PDZD2: variants seen among roughly 807,000 people sequenced by gnomAD.
The protein encoded by PDZD2 is PDZ domain-containing protein 2.
Under a neutral mutation model 220.7 loss-of-function variants are expected in PDZD2, and 90 were observed. The observed-to-expected ratio is 0.41, with a 90% CI of 0.34 to 0.49. PDZD2 has a LOEUF of 0.49. Among genes scored for constraint, PDZD2 ranks in the 20% least tolerant of loss-of-function variants. PDZD2 has a pLI of 0.28. For synonymous variants in PDZD2, 1,375 were observed against 1,450.5 expected (o/e 0.95, Z 1.18); for missense variants, 3,174 against 3,608.5 (o/e 0.88, Z 3.08).
At chr5:31,983,102 C>A in intron 2 of PDZD2, 53 bp from the exon 3 acceptor site, 1 of 1,552,532 alleles carries the variant, frequency 6.4e-7, no homozygotes, top group Non-Finnish European at 8.7e-7. Context: ...GTCTGCTGTG[C>A]TGTCTAGGAA....
intron 19 of PDZD2, among the ~76,000 whole-genome samples, chr5:32,084,139 C>T (rs1005267384): frequency 9.9e-5 from 15 of 152,250 alleles, no homozygotes; most frequent in African/African-American, 3.4e-4. Flanking sequence ...GAGAAGAGCA[C>T]GTGGCTTTGA....
chr5:31,737,495 A>G (rs894922196), intron 1 of PDZD2, among the ~76,000 whole-genome samples: 1 of 152,068 alleles, frequency 6.6e-6, no homozygotes, highest in African/African-American at 2.4e-5. Context: ...TCTTATAGGG[A>G]AAGGATCTGA....
At chr5:31,997,969 A>G (rs1018679311) in intron 4 of PDZD2, among the ~76,000 whole-genome samples, 10 of 152,114 alleles carry the variant, frequency 6.6e-5, no homozygotes, top group Admixed American at 4.6e-4. Context: ...CCACCTCCCA[A>G]GTAGCTGGGA....
At chr5:32,032,710 A>T (rs1002678781) in intron 6 of PDZD2, among the ~76,000 whole-genome samples, 2 of 152,298 alleles carry the variant, frequency 1.3e-5, no homozygotes, top group Non-Finnish European at 1.5e-5. Context: ...ATCAGGAGAA[A>T]TCTGCCACCT....
At chr5:31,648,840 A>G (rs1277116309) in intron 1 of PDZD2, among the ~76,000 whole-genome samples, 1 of 152,076 alleles carries the variant, frequency 6.6e-6, no homozygotes, top group East Asian at 1.9e-4. Context: ...GTGTTGGAAC[A>G]TCGTTATCCC....
chr5:31,728,849 T>G (rs1749335149), intron 1 of PDZD2, among the ~76,000 whole-genome samples: 1 of 152,050 alleles, frequency 6.6e-6, no homozygotes, highest in Non-Finnish European at 1.5e-5. Context: ...ATCTTGTTTA[T>G]TTTATTTTAT....
chr5:31,660,383 C>T (rs1444380484), intron 1 of PDZD2, among the ~76,000 whole-genome samples: 4 of 151,714 alleles, frequency 2.6e-5, no homozygotes, highest in African/African-American at 9.7e-5. Context: ...CTGTGTTAGT[C>T]CATTCTCACA....
At chr5:31,848,921 C>T (rs958846314) in intron 2 of PDZD2, among the ~76,000 whole-genome samples, 3 of 151,858 alleles carry the variant, frequency 2.0e-5, no homozygotes, top group Admixed American at 6.6e-5. Context: ...TGGTGGCAGG[C>T]GCCTGTAGTC....
intron 5 of PDZD2, among the ~76,000 whole-genome samples, chr5:32,009,639 G>A (rs1230185793): frequency 6.6e-6 from 1 of 152,158 alleles, no homozygotes; most frequent in Admixed American, 6.5e-5. Context: ...GGCTGAGGCA[G>A]GAGGGCCACT....
At chr5:31,847,532 G>A (rs960826155) in intron 2 of PDZD2, 3 of 682,586 alleles carry the variant, frequency 4.4e-6, no homozygotes, top group South Asian at 2.8e-5. Context: ...TGGTGTGAAG[G>A]TTGGCTGACA....
At chr5:31,757,575 G>C (rs1751370247) in intron 1 of PDZD2, among the ~76,000 whole-genome samples, 1 of 151,348 alleles carries the variant, frequency 6.6e-6, no homozygotes, top group Admixed American at 6.6e-5. Flanking sequence ...CTGGGAGACA[G>C]AGCGAGACTC....
Position 31,932,528 on chromosome 5 carries a change from G to A in PDZD2, c.477-50627G>A, listed in dbSNP as rs143315913. Among the ~76,000 whole-genome samples the A allele has an allele frequency of 5.7e-3, 841 of 146,542 alleles. 11 individuals are homozygous for A. Among genetic ancestry groups the A allele is most frequent in the African/African-American group, 0.021 (811 of 39,180 alleles). ...TGCACCACTGCACTCCAGCCTGGGCGACAGAGCAAGACTCTGCCTCAAAAA... is the reference window on the plus strand; with the variant it reads ...TGCACCACTGCACTCCAGCCTGGGCAACAGAGCAAGACTCTGCCTCAAAAA... On this transcript the variant is annotated intron_variant, in intron 2 of 24. Coordinates refer to ENST00000438447, the MANE Select transcript of PDZD2 (RefSeq NM_178140.4).
At chr5:31,845,622 C>G (rs1757542388) in intron 2 of PDZD2, among the ~76,000 whole-genome samples, 1 of 152,196 alleles carries the variant, frequency 6.6e-6, no homozygotes, top group Non-Finnish European at 1.5e-5. Context: ...AAGATCCGGA[C>G]AGATAGCATT....
chr5:31,853,865 AGTTT>A (rs1403481498), intron 2 of PDZD2, among the ~76,000 whole-genome samples: 1 of 151,954 alleles, frequency 6.6e-6, no homozygotes, highest in African/African-American at 2.4e-5. Context: ...GGCTTGAGTG[AGTTT>A]GTTTGCACTG....
At chr5:31,762,726 G>A (rs746828034) in intron 1 of PDZD2, among the ~76,000 whole-genome samples, 2 of 152,200 alleles carry the variant, frequency 1.3e-5, no homozygotes, top group Non-Finnish European at 2.9e-5. Flanking sequence ...AGTGGGCTGA[G>A]TGCAATAATT....
At chr5:31,688,930 G>C (rs1273171824) in intron 1 of PDZD2, among the ~76,000 whole-genome samples, 1 of 152,106 alleles carries the variant, frequency 6.6e-6, no homozygotes, top group Non-Finnish European at 1.5e-5. Flanking sequence ...CAGCATCAAG[G>C]ATGTTGCCCT....
At chr5:31,827,700 T>A (rs10061010) in intron 2 of PDZD2, among the ~76,000 whole-genome samples, 71,389 of 120,344 alleles carry the variant, frequency 0.59, 18,731 homozygotes, top group African/African-American at 0.68. Flanking sequence ...TCAAAAAAAA[T>A]AAATAAATAA....
chr5:31,908,955 G>T (rs767167579), intron 2 of PDZD2: 3 of 328,962 alleles, frequency 9.1e-6, no homozygotes, highest in Non-Finnish European at 1.7e-5. Context: ...GCTGAGGTGG[G>T]AGAATTGCTG....
chr5:31,885,454 A>G (rs1740373788), intron 2 of PDZD2, among the ~76,000 whole-genome samples: 1 of 152,194 alleles, frequency 6.6e-6, no homozygotes, highest in Admixed American at 6.5e-5. Context: ...GTTCTAAAGA[A>G]GTACTTGCAT....
Sources: allele counts gnomAD v4.1 joint callset (sites outside exome capture counted in the v4.1 genomes callset), GRCh38; gene constraint gnomAD v4.1.1; transcripts MANE v1.5; gene names NCBI Gene and HGNC (gene_info 2026-07-23, HGNC 2026-07-21).